Variants in TMEFF1 observed in about 807,000 individuals in gnomAD.
TMEFF1 encodes transmembrane protein with EGF like and two follistatin like domains 1.
A neutral mutation model predicts 47.5 loss-of-function variants in TMEFF1; 20 were observed. The ratio of observed to expected loss-of-function variants is 0.42; its 90% CI spans 0.30 to 0.61. The LOEUF (loss-of-function observed/expected upper bound fraction) is 0.61. TMEFF1 is among the 20% of genes least tolerant of loss of function. The pLI is 0.19. For synonymous variants in TMEFF1, 162 were observed against 166.3 expected (o/e 0.97, Z 0.20); for missense variants, 411 against 471.1 (o/e 0.87, Z 1.18).
At chr9:100,574,493 T>C (rs1273017257) in intron 9 of TMEFF1, among the ~76,000 whole-genome samples, 1 of 151,938 alleles carries the variant, frequency 6.6e-6, no homozygotes, top group Non-Finnish European at 1.5e-5. Context: ...TATCTCAACC[T>C]CCCGAGTAGC....
At chr9:100,539,066 C>T (rs776552368) in intron 5 of TMEFF1, among the ~76,000 whole-genome samples, 7 of 152,096 alleles carry the variant, frequency 4.6e-5, no homozygotes, top group Admixed American at 6.5e-5. Context: ...ACCACCATGC[C>T]CGGCTAATTT....
chr9:100,475,131 C>G (rs1353467228), intron 1 of TMEFF1, among the ~76,000 whole-genome samples: 1 of 152,130 alleles, frequency 6.6e-6, no homozygotes, highest in African/African-American at 2.4e-5. Flanking sequence ...GCCGGACAAC[C>G]TTTATACTTT....
chr9:100,561,710 C>CTT (rs1168313703), intron 8 of TMEFF1, among the ~76,000 whole-genome samples, 190 bp downstream of exon 8: 1 of 142,116 alleles, frequency 7.0e-6, no homozygotes, highest in South Asian at 2.2e-4. Context: ...AAACAAAAAT[C>CTT]TTTTTTTTTT....
chr9:100,571,119 C>A (rs1031552108), intron 8 of TMEFF1, among the ~76,000 whole-genome samples: 3 of 152,120 alleles, frequency 2.0e-5, no homozygotes, highest in Admixed American at 6.6e-5. Context: ...AACTTATTTT[C>A]ATCTTCCCCT....
intron 1 of TMEFF1, among the ~76,000 whole-genome samples, chr9:100,485,792 A>C (rs1200528036): frequency 1.3e-5 from 2 of 152,156 alleles, no homozygotes; most frequent in African/African-American, 2.4e-5. Flanking sequence ...TGGAAATTCT[A>C]TACTTAAATC....
intron 1 of TMEFF1, among the ~76,000 whole-genome samples, chr9:100,497,374 G>C (rs1186756038): frequency 2.1e-5 from 2 of 97,384 alleles, no homozygotes; most frequent in East Asian, 6.1e-4. Context: ...ATCCAGTTCT[G>C]TGCACCTGAG....
intron 1 of TMEFF1, among the ~76,000 whole-genome samples, chr9:100,492,994 G>A (rs1837583712): frequency 6.6e-6 from 1 of 152,182 alleles, no homozygotes; most frequent in Non-Finnish European, 1.5e-5. Flanking sequence ...TTTCCTTGTA[G>A]TGATTGTGTC....
intron 5 of TMEFF1, among the ~76,000 whole-genome samples, chr9:100,519,647 CTTT>C (rs60569330): frequency 4.6e-3 from 297 of 65,146 alleles, no homozygotes; most frequent in South Asian, 0.02. Context: ...TGCCCAGTGA[CTTT>C]TTTTTTTTTT....
intron 5 of TMEFF1, among the ~76,000 whole-genome samples, chr9:100,532,613 A>C (rs1243535282): frequency 1.3e-5 from 2 of 151,696 alleles, no homozygotes; most frequent in Non-Finnish European, 2.9e-5. Context: ...GATGTGGAGA[A>C]ATAGGAACAC....
intron 4 of TMEFF1, among the ~76,000 whole-genome samples, chr9:100,514,565 A>G (rs928757010): frequency 6.6e-6 from 1 of 151,802 alleles, no homozygotes; most frequent in Non-Finnish European, 1.5e-5. Flanking sequence ...ATAATACAAT[A>G]TTGGGCTGGG....
chr9:100,505,328 C>G (rs1254295469), intron 2 of TMEFF1, among the ~76,000 whole-genome samples: 1 of 134,212 alleles, frequency 7.5e-6, no homozygotes, highest in Non-Finnish European at 1.5e-5. Context: ...AGGAGAATTG[C>G]ATGAACCTGG....
chr9:100,532,334 C>G (rs1424123071), intron 5 of TMEFF1, among the ~76,000 whole-genome samples: 1 of 152,064 alleles, frequency 6.6e-6, no homozygotes, highest in Admixed American at 6.5e-5. Flanking sequence ...ATTTTTGCAA[C>G]CTACTCATCT....
At chr9:100,529,836 G>A (rs10819791) in intron 5 of TMEFF1, among the ~76,000 whole-genome samples, 9 of 151,776 alleles carry the variant, frequency 5.9e-5, no homozygotes, top group African/African-American at 1.7e-4. Context: ...TGACCACATA[G>A]TTGGAAGTAA....
rs1839364387 is a variant in TMEFF1 at position 100,577,005 on chromosome 9, C to CT, written c.*406dup. ...TCTTACAAAAAAAATCTAGAAGACA[C>CT]TGTGTTTAAATAGATATTTAAATGT... On this transcript the variant is annotated 3_prime_UTR_variant, in exon 10 of 10. Coordinates refer to ENST00000374879, the MANE Select transcript of TMEFF1 (RefSeq NM_003692.5). 6.4e-6 allele frequency: 1 copy of CT among 156,988 alleles called. No individual in the cohort carries two copies. Among genetic ancestry groups the CT allele is most frequent in the Non-Finnish European group, 1.4e-5 (1 of 70,742 alleles). 9.7% of individuals were successfully genotyped at this position (156,988 alleles called of 1,614,324 possible). A position where few individuals can be genotyped will look rare whatever the true frequency, so the allele number is the denominator to read the frequency against.
intron 7 of TMEFF1, among the ~76,000 whole-genome samples, chr9:100,550,650 T>G (rs2118518040): frequency 6.6e-6 from 1 of 152,350 alleles, no homozygotes; most frequent in Admixed American, 6.5e-5. Flanking sequence ...CTTTCCTGTA[T>G]ACTCCCCTCT....
At chr9:100,539,850 A>T (rs1174943728) in intron 5 of TMEFF1, among the ~76,000 whole-genome samples, 1 of 152,122 alleles carries the variant, frequency 6.6e-6, no homozygotes, top group Non-Finnish European at 1.5e-5. Flanking sequence ...CAGGGGGCTG[A>T]TTGGTCCATT....
intron 1 of TMEFF1, among the ~76,000 whole-genome samples, chr9:100,493,711 A>G (rs1191177631): frequency 6.6e-6 from 1 of 152,054 alleles, no homozygotes; most frequent in South Asian, 2.1e-4. Context: ...CTGAATTTCC[A>G]TTTTGGTTTC....
chr9:100,492,897 T>C (rs140098948), intron 1 of TMEFF1, among the ~76,000 whole-genome samples: 1 of 152,134 alleles, frequency 6.6e-6, no homozygotes, highest in Admixed American at 6.5e-5. Context: ...AAACTTGGAA[T>C]CAATATATTT....
rs533874305 is a variant in TMEFF1, at chr9:100,573,632, CA to C, written c.1058+957del. Among the ~76,000 whole-genome samples, 73 of 152,310 alleles carry C rather than the reference CA, an allele frequency of 4.8e-4. 1 individual carries two copies. The South Asian group carries it at 0.015, about 31-fold the overall frequency. On this transcript the variant is annotated intron_variant, in intron 9 of 9. Transcript: ENST00000374879. The stretch of plus-strand genomic sequence containing the variant: ...CATTATTCTGGGCAGAGGGTTGAAG[CA>C]TATCAAATACAGATATTGGCAGGCC...
Sources: gnomAD v4.1 joint callset for allele counts (sites outside exome capture counted in the v4.1 genomes callset) on GRCh38, gnomAD v4.1.1 for gene constraint, MANE v1.5 for transcripts, NCBI Gene and HGNC (gene_info 2026-07-23, HGNC 2026-07-21) for gene names.